The following CYP4Z1 variants were observed in gnomAD, a reference collection of about 807,000 sequenced individuals.
The protein encoded by CYP4Z1 is cytochrome P450 4Z1.
In CYP4Z1, 41 loss-of-function variants were observed where a neutral mutation model predicts 54.2. The observed-to-expected ratio is 0.76, with a 90% CI of 0.59 to 0.98. The LOEUF (loss-of-function observed/expected upper bound fraction) is 0.98. Ranked by LOEUF, CYP4Z1 falls within the 50% of genes least tolerant of loss-of-function variation. The pLI, the probability that CYP4Z1 is intolerant of heterozygous loss-of-function variation, is 0.00. For missense variants in CYP4Z1, 513 were observed against 599.0 expected (o/e 0.86, Z 1.50); for synonymous variants, 163 against 206.2 (o/e 0.79, Z 1.79).
chr1:47,108,678 G>C (rs1184881836), intron 9 of CYP4Z1, among the ~76,000 whole-genome samples: 1 of 152,156 alleles, frequency 6.6e-6, no homozygotes, highest in Non-Finnish European at 1.5e-5. Context: ...CCCAACAAGT[G>C]CATATTAAAC....
intron 6 of CYP4Z1, among the ~76,000 whole-genome samples, chr1:47,087,629 G>T (rs1394510031): frequency 6.6e-6 from 1 of 152,152 alleles, no homozygotes; most frequent in Admixed American, 6.5e-5. Flanking sequence ...ATACAATAAC[G>T]TCATCTGCAA....
chr1:47,058,154 TTCTC>T, the CYP4Z1 span, among the ~76,000 whole-genome samples: 1 of 152,102 alleles, frequency 6.6e-6, no homozygotes, highest in African/African-American at 2.4e-5. Flanking sequence ...GCATCATATT[TTCTC>T]TCTATGAAAT....
chr1:47,084,208 A>T (rs1388591228), intron 4 of CYP4Z1, among the ~76,000 whole-genome samples: 2 of 152,130 alleles, frequency 1.3e-5, no homozygotes, highest in Admixed American at 1.3e-4. Context: ...TGGATCTGGG[A>T]AAAAACTTGT....
In CYP4Z1 at chr1:47,113,429, T is replaced by C. The variant is rs186546400; in HGVS notation, c.1202-2100T>C. 2.4e-3 allele frequency among the ~76,000 whole-genome samples: 358 copies of C among 152,272 alleles called. 4 individuals carry two copies. The highest frequency in any genetic ancestry group is 8.3e-3 in the African/African-American group (345 of 41,548). On this transcript the variant is annotated intron_variant, in intron 9 of 11. Coordinates refer to ENST00000334194, the MANE Select transcript of CYP4Z1 (RefSeq NM_178134.3). ...TCTGACTTATTACCATGTGTTGCAA[T>C]TGCCTGTCTCTTCCAATGGACTGTG...
At chr1:47,084,799 T>G in intron 5 of CYP4Z1, 25 bp from the exon 6 acceptor site, 1 of 1,602,228 alleles carries the variant, frequency 6.2e-7, no homozygotes, top group Non-Finnish European at 8.5e-7. Flanking sequence ...CCCACTAACA[T>G]GTTGTTCCAT....
At chr1:47,062,774 C>T (rs1209146939), upstream of CYP4Z1, among the ~76,000 whole-genome samples, 3 of 151,856 alleles carry the variant, frequency 2.0e-5, no homozygotes, top group Non-Finnish European at 4.4e-5. Flanking sequence ...TAGCCAAAGA[C>T]GAAGGTCATA....
At chr1:47,064,165 C>T (rs1231298018), upstream of CYP4Z1, among the ~76,000 whole-genome samples, 1 of 150,296 alleles carries the variant, frequency 6.7e-6, no homozygotes, top group Admixed American at 6.7e-5. Context: ...TCACTGCAAC[C>T]TCTGCCTCCT....
chr1:47,056,231 T>C, the CYP4Z1 span, among the ~76,000 whole-genome samples: 972 of 152,348 alleles, frequency 6.4e-3, 10 homozygotes, highest in African/African-American at 0.021. Context: ...TGAGTGGTTT[T>C]GAGTGAGTTT....
intron 4 of CYP4Z1, among the ~76,000 whole-genome samples, chr1:47,084,224 A>G (rs1644575664): frequency 6.6e-6 from 1 of 152,144 alleles, no homozygotes; most frequent in Non-Finnish European, 1.5e-5. Context: ...CTTGTCAAGT[A>G]CTAAATATTT....
At chr1:47,090,257 C>T (rs1644629984) in intron 6 of CYP4Z1, among the ~76,000 whole-genome samples, 2 of 152,178 alleles carry the variant, frequency 1.3e-5, no homozygotes, top group Admixed American at 1.3e-4. Context: ...ATTACTCCTG[C>T]CATAAGCAAA....
intron 10 of CYP4Z1, 103 bp from the exon 11 acceptor site, chr1:47,116,547 A>C: frequency 1.5e-6 from 1 of 687,636 alleles, no homozygotes; most frequent in Non-Finnish European, 2.4e-6. Context: ...TTAGCTTTGG[A>C]ATTCTGTTAA....
At chr1:47,092,783 A>G (rs200056350) in intron 6 of CYP4Z1, among the ~76,000 whole-genome samples, 6,227 of 148,758 alleles carry the variant, frequency 0.042, 352 homozygotes, top group African/African-American at 0.12. Flanking sequence ...TGGTTTAGGA[A>G]CAGCATAACA....
chr1:47,086,006 C>T (rs543452292), intron 6 of CYP4Z1, among the ~76,000 whole-genome samples: 1 of 152,140 alleles, frequency 6.6e-6, no homozygotes, highest in South Asian at 2.1e-4. Context: ...ATCCATGTCC[C>T]TACAAAGGAC....
At position 47,115,593 on chromosome 1, in the gene CYP4Z1, G is replaced by T; in HGVS notation, c.1266G>T (p.Gln422His). The T allele has an allele frequency of 6.2e-7, 1 of 1,613,352 alleles. No homozygotes were observed. The highest frequency in any genetic ancestry group is 8.5e-7 in the Non-Finnish European group (1 of 1,179,616). The change falls in exon 10 of 12, where the codon CAG becomes CAT. Residue 422 changes from glutamine to histidine, a missense_variant and splice_region_variant. Physicochemically the swap from Gln to His is conservative, Grantham distance 24. Coordinates refer to ENST00000334194, the MANE Select transcript of CYP4Z1 (RefSeq NM_178134.3). ...ACCCCTATTTCTGGGAAGACCCTCA[G>T]GTATGATTGTCCCAACTGCACCCAG... Reference protein sequence around the residue: ...HHNPYFWEDPQVFNPLRFSRE... With the variant: ...HHNPYFWEDPHVFNPLRFSRE...
chr1:47,103,194 T>G (rs978642402), intron 8 of CYP4Z1, among the ~76,000 whole-genome samples: 4 of 152,052 alleles, frequency 2.6e-5, no homozygotes, highest in African/African-American at 9.7e-5. Context: ...CCTTTTTTTT[T>G]TAAGAGAGAG....
the CYP4Z1 span, among the ~76,000 whole-genome samples, chr1:47,057,336 ATATATAT>A: frequency 1.3e-3 from 75 of 56,606 alleles, 4 homozygotes; most frequent in South Asian, 5.5e-3. Flanking sequence ...AGAAAAAAAA[ATATATAT>A]ATATATATAT....
chr1:47,102,858 C>T (rs538239448), intron 8 of CYP4Z1, among the ~76,000 whole-genome samples: 36 of 152,172 alleles, frequency 2.4e-4, no homozygotes, highest in Admixed American at 3.9e-4. Flanking sequence ...AGTATGTGGA[C>T]GTGTAAATCT....
At chr1:47,107,960 C>T (rs1644768287) in intron 9 of CYP4Z1, among the ~76,000 whole-genome samples, 1 of 152,152 alleles carries the variant, frequency 6.6e-6, no homozygotes, top group South Asian at 2.1e-4. Context: ...ACCCGGCTGA[C>T]TCAGTTTTAG....
intron 8 of CYP4Z1, among the ~76,000 whole-genome samples, chr1:47,101,129 G>A (rs1370877221): frequency 1.3e-5 from 2 of 151,916 alleles, no homozygotes; most frequent in African/African-American, 4.8e-5. Flanking sequence ...GGTTTTATTT[G>A]GATCTTCTCT....
Sources: allele counts gnomAD v4.1 joint callset (sites outside exome capture counted in the v4.1 genomes callset), GRCh38; gene constraint gnomAD v4.1.1; transcripts MANE v1.5; gene names NCBI Gene and HGNC (gene_info 2026-07-23, HGNC 2026-07-21).